Variants in DDX54 observed in about 807,000 individuals in gnomAD.
DDX54 encodes the protein DEAD-box helicase 54.
A neutral mutation model predicts 105.5 loss-of-function variants in DDX54; 67 were observed. That is an observed-to-expected ratio of 0.64 (90% CI 0.52 to 0.78). DDX54 has a LOEUF of 0.78. Among genes scored for constraint, DDX54 ranks in the 30% least tolerant of loss-of-function variants. The pLI is 0.00. For synonymous variants in DDX54, 514 were observed against 509.9 expected (o/e 1.01, Z -0.11); for missense variants, 1,206 against 1,230.5 (o/e 0.98, Z 0.30).
Position 113,158,866 on chromosome 12 carries a change from G to A in DDX54, c.*11C>T. ...GGCCAATCAAGGAGCCACGGGGCTG[G>A]GTCCTGGTCCTCACATCCTCTTCCG... On this transcript the variant is annotated 3_prime_UTR_variant, in exon 20 of 20. Coordinates refer to ENST00000306014, the MANE Select transcript of DDX54 (RefSeq NM_024072.4). This position sits in a 1 kb window ranked among gnomAD's most constrained non-coding sequence, Gnocchi z 4.9. 6.3e-7 allele frequency: 1 copy of A among 1,583,046 alleles called. No individual in the cohort carries two copies. Among genetic ancestry groups the A allele is most frequent in the Non-Finnish European group, 8.6e-7 (1 of 1,159,058 alleles).
At position 113,185,429 on chromosome 12, in the gene DDX54, G is replaced by A. The variant is rs760989558; in HGVS notation, c.23C>T (p.Ala8Val). The A allele has an allele frequency of 2.2e-5, 33 of 1,519,276 alleles. No individual in the cohort carries two copies. Among genetic ancestry groups the A allele is most frequent in the Non-Finnish European group, 2.9e-5 (33 of 1,136,680 alleles). The allele number at this position is 1,519,276 out of a possible 1,614,324, so 94.1% of individuals were successfully genotyped here. A position where few individuals can be genotyped will look rare whatever the true frequency, so the allele number is the denominator to read the frequency against. The change falls in exon 1 of 20, where the codon GCG (alanine) becomes GTG (valine). Residue 8 changes from alanine (A) to valine (V), a missense_variant. Coordinates refer to ENST00000306014, the MANE Select transcript of DDX54 (RefSeq NM_024072.4). MAADKGP[A>V]AGPRSRAAMA... Reference sequence around the variant, plus strand: ...GGCAGCTCGCGACCGAGGTCCAGCCGCCGGGCCCTTGTCGGCCGCCATTCG... The same window carrying A: ...GGCAGCTCGCGACCGAGGTCCAGCCACCGGGCCCTTGTCGGCCGCCATTCG...
At chr12:113,161,841 CCTG>C in intron 18 of DDX54, 49 bp downstream of exon 18, 1 of 945,806 alleles carries the variant, frequency 1.1e-6, no homozygotes, top group Non-Finnish European at 1.4e-6. Flanking sequence ...TGAAGCTGCT[CCTG>C]CTGAAGCTCC....
Position 113,180,811 on chromosome 12 carries a change from C to A in DDX54, c.304+118G>T, listed in dbSNP as rs185990972. 1,206 of 1,528,172 alleles carry A rather than the reference C, an allele frequency of 7.9e-4. 22 individuals are homozygous for A. The East Asian group carries it at 0.017, about 22-fold the overall frequency. The allele number at this position is 1,528,172 out of a possible 1,614,324, so 94.7% of individuals were successfully genotyped here. A position where few individuals can be genotyped will look rare whatever the true frequency, so the allele number is the denominator to read the frequency against. ...AATGACTGGAGGACCACATCTGCTACCCCGGTCTACCCAACCACAGTGCTG... is the reference window on the plus strand; with the variant it reads ...AATGACTGGAGGACCACATCTGCTAACCCGGTCTACCCAACCACAGTGCTG... On this transcript the variant is annotated intron_variant, in intron 2 of 19. Coordinates refer to ENST00000306014, the MANE Select transcript of DDX54 (RefSeq NM_024072.4).
chr12:113,165,070 C>T (rs1005843828), intron 14 of DDX54, among the ~76,000 whole-genome samples: 5 of 152,152 alleles, frequency 3.3e-5, no homozygotes, highest in Non-Finnish European at 5.9e-5. Context: ...GTAACCAGCC[C>T]ATGGTCACAT....
At position 113,179,917 on chromosome 12, in the gene DDX54, G is replaced by C. The variant is rs146747210; in HGVS notation, c.375+18C>G. ...CACTCCTCCCTCGCCCTCACCCGTC[G>C]ACCGCCCCACCCCTCACCTTCCTCT... is the stretch of plus-strand genomic sequence containing the variant. On this transcript the variant is annotated intron_variant, in intron 3 of 19. Coordinates refer to ENST00000306014, the MANE Select transcript of DDX54 (RefSeq NM_024072.4). 18 of 1,613,928 alleles carry C rather than the reference G, an allele frequency of 1.1e-5. No homozygotes were observed. Among genetic ancestry groups the C allele is most frequent in the Non-Finnish European group, 1.5e-5 (18 of 1,179,960 alleles).
intron 2 of DDX54, 29 bp from the exon 3 acceptor site, chr12:113,180,034 C>A: frequency 6.2e-7 from 1 of 1,611,630 alleles, no homozygotes; most frequent in Non-Finnish European, 8.5e-7. Flanking sequence ...GGTCAGGGGG[C>A]CGAGGGAGTC....
intron 12 of DDX54, among the ~76,000 whole-genome samples, chr12:113,167,553 TC>T (rs1303147617): frequency 6.6e-6 from 1 of 152,158 alleles, no homozygotes; most frequent in Non-Finnish European, 1.5e-5. Context: ...AAACTGAGGC[TC>T]CTGGAGGTTT....
intron 1 of DDX54, among the ~76,000 whole-genome samples, chr12:113,181,830 G>T (rs1952472425): frequency 6.6e-6 from 1 of 151,920 alleles, no homozygotes; most frequent in African/African-American, 2.4e-5. Context: ...GAACCTTCTT[G>T]GACTACAGGG....
chr12:113,183,547 G>A (rs1306692344), intron 1 of DDX54, among the ~76,000 whole-genome samples: 1 of 152,222 alleles, frequency 6.6e-6, no homozygotes, highest in African/African-American at 2.4e-5. Flanking sequence ...GAGCCTACCT[G>A]GTGCCAGGCA....
At chr12:113,162,511 T>C (rs1952219786) in intron 17 of DDX54, among the ~76,000 whole-genome samples, 1 of 152,158 alleles carries the variant, frequency 6.6e-6, no homozygotes, top group Non-Finnish European at 1.5e-5. Flanking sequence ...GGCCATAATC[T>C]GGGCTGTGCA....
chr12:113,177,198 A>T, intron 5 of DDX54, 105 bp from the exon 6 acceptor site: 3 of 1,378,300 alleles, frequency 2.2e-6, no homozygotes, highest in Non-Finnish European at 3.0e-6. Context: ...CCAGGAACAC[A>T]GACCCAAGGC....
intron 14 of DDX54, among the ~76,000 whole-genome samples, chr12:113,165,106 C>G (rs138880148): frequency 6.6e-6 from 1 of 152,344 alleles, no homozygotes; most frequent in East Asian, 1.9e-4. Flanking sequence ...AGCTTGTCAA[C>G]CCAAGTCCAT....
Position 113,159,026 on chromosome 12 carries a change from G to A in DDX54, c.2497C>T (p.Arg833Trp), listed in dbSNP as rs779023545. 14 of 1,611,250 alleles carry A rather than the reference G, an allele frequency of 8.7e-6. No homozygotes were observed. Among genetic ancestry groups the A allele is most frequent in the African/African-American group, 2.7e-5 (2 of 74,932 alleles). The change falls in exon 20 of 20, where the codon CGG becomes TGG. Residue 833 changes from arginine (R) to tryptophan (W), a missense_variant. By Grantham distance (101) the Arg-to-Trp change is moderately radical. Coordinates refer to ENST00000306014, the MANE Select transcript of DDX54 (RefSeq NM_024072.4). ...AAGTGCAGCTTCTGGGCCCGGCGCC[G>A]CTGCTTCAGGATCTGCTGCTTGGTC... ...LKTKQQILKQ[R>W]RRAQKLHFLQ...
At chr12:113,184,368 C>T (rs1952501464) in intron 1 of DDX54, among the ~76,000 whole-genome samples, 1 of 152,166 alleles carries the variant, frequency 6.6e-6, no homozygotes, top group South Asian at 2.1e-4. Context: ...AGGCGTGTAG[C>T]CACTACACCA....
At chr12:113,166,095 C>A in intron 12 of DDX54, 63 bp from the exon 13 acceptor site, 1 of 1,515,102 alleles carries the variant, frequency 6.6e-7, no homozygotes. Flanking sequence ...CACTGCCCGA[C>A]CACCACTCTT....
chr12:113,160,964 C>G (rs1035852822), intron 19 of DDX54, among the ~76,000 whole-genome samples: 3 of 152,174 alleles, frequency 2.0e-5, no homozygotes, highest in African/African-American at 7.2e-5. Context: ...GAAGTTATCC[C>G]TGTAGCTTCA....
intron 12 of DDX54, 141 bp downstream of exon 12, chr12:113,169,629 A>C: frequency 8.5e-7 from 1 of 1,173,228 alleles, no homozygotes; most frequent in Non-Finnish European, 1.2e-6. Context: ...TCAAAAAATA[A>C]ACAAAACAAA....
chr12:113,171,253 G>A (rs1400744022), intron 11 of DDX54, among the ~76,000 whole-genome samples: 1 of 152,176 alleles, frequency 6.6e-6, no homozygotes, highest in Non-Finnish European at 1.5e-5. Context: ...CAGGGGCTGC[G>A]GGAGGGGAAT....
At position 113,161,950 on chromosome 12, in the gene DDX54, T is replaced by C. The variant is rs1282123656; in HGVS notation, c.2243A>G (p.Lys748Arg). 2 of 1,612,560 alleles carry C rather than the reference T, an allele frequency of 1.2e-6. No homozygotes were observed. Among genetic ancestry groups the C allele is most frequent in the African/African-American group, 2.7e-5 (2 of 74,812 alleles). Reference protein sequence around the residue: ...RFVGQSGQEDKKKIKTESGRY... With the variant: ...RFVGQSGQEDRKKIKTESGRY... The stretch of plus-strand genomic sequence containing the variant: ...GCCGCTCTCTGTCTTAATCTTCTTC[T>C]TGTCTTCCTGTCCTGACTGTCCCAC... Residue 748 changes from lysine (K) to arginine (R), a missense_variant, in exon 18 of 20, where the codon AAG becomes AGG. Physicochemically the swap from Lys to Arg is conservative, Grantham distance 26. Coordinates refer to ENST00000306014, the MANE Select transcript of DDX54 (RefSeq NM_024072.4).
Sources: allele counts gnomAD v4.1 joint callset (sites outside exome capture counted in the v4.1 genomes callset), GRCh38; gene constraint gnomAD v4.1.1; non-coding constraint Gnocchi (gnomAD v3.1); transcripts MANE v1.5; gene names NCBI Gene and HGNC (gene_info 2026-07-23, HGNC 2026-07-21).